Variants in DGKD observed in about 807,000 individuals in gnomAD.
The protein encoded by DGKD is DAG kinase delta.
A neutral mutation model predicts 154.4 loss-of-function variants in DGKD; 68 were observed. The observed-to-expected ratio is 0.44, with a 90% CI of 0.36 to 0.54. The LOEUF is 0.54. Among genes scored for constraint, DGKD ranks in the 20% least tolerant of loss-of-function variants. DGKD has a pLI of 0.00. For missense variants in DGKD, 1,343 were observed against 1,593.6 expected, an observed-to-expected ratio of 0.84 and a Z score of 2.68; for synonymous variants, 693 against 638.0, an observed-to-expected ratio of 1.09 and a Z score of -1.30.
Position 233,467,206 on chromosome 2 carries a change from ACCTG to A in DGKD, c.3424+7_3424+10del. 1 of 1,596,728 alleles carries A rather than the reference ACCTG, an allele frequency of 6.3e-7. No homozygotes were observed. The highest frequency in any genetic ancestry group is 8.6e-7 in the Non-Finnish European group (1 of 1,165,708). On this transcript the variant is annotated splice_donor_5th_base_variant and intron_variant, in intron 28 of 29. Coordinates refer to ENST00000264057, the MANE Select transcript of DGKD (RefSeq NM_152879.3). ...TCACAGTAGCCTGGGAGCCCCGGGT[ACCTG>A]CCTCTCTCCCGCGTGTGTTTCTGGC... is the stretch of plus-strand genomic sequence containing the variant.
At chr2:233,421,735 G>A (rs896368841) in intron 3 of DGKD, among the ~76,000 whole-genome samples, 6 of 152,114 alleles carry the variant, frequency 3.9e-5, no homozygotes, top group Admixed American at 1.3e-4. Flanking sequence ...CTGGTCTCCC[G>A]TTTTTCCATA....
At chr2:233,460,955 C>T (rs1456180221) in intron 24 of DGKD, among the ~76,000 whole-genome samples, 5 of 151,826 alleles carry the variant, frequency 3.3e-5, no homozygotes, top group Non-Finnish European at 2.9e-5. Context: ...CGCTGACAGC[C>T]GCCTTCACTT....
intron 1 of DGKD, among the ~76,000 whole-genome samples, chr2:233,369,847 C>T (rs1416686216): frequency 6.6e-6 from 1 of 152,198 alleles, no homozygotes; most frequent in Non-Finnish European, 1.5e-5. Flanking sequence ...CTGCTGCCCA[C>T]TCTGCTGGCT....
chr2:233,412,284 T>C (rs1360149396), intron 3 of DGKD, among the ~76,000 whole-genome samples: 2 of 152,244 alleles, frequency 1.3e-5, no homozygotes, highest in African/African-American at 4.8e-5. Context: ...ATTTAGGTGC[T>C]TTAAATTTAT....
At chr2:233,461,322 T>C (rs971830586) in intron 24 of DGKD, among the ~76,000 whole-genome samples, 2 of 152,308 alleles carry the variant, frequency 1.3e-5, no homozygotes, top group South Asian at 2.1e-4. Context: ...CACCCGTCGG[T>C]TTTGTGCCCG....
At chr2:233,417,797 G>A (rs1156626053) in intron 3 of DGKD, among the ~76,000 whole-genome samples, 4 of 152,170 alleles carry the variant, frequency 2.6e-5, no homozygotes, top group Non-Finnish European at 4.4e-5. Flanking sequence ...GGCCTGAAGA[G>A]GACATTTGGG....
intron 10 of DGKD, among the ~76,000 whole-genome samples, chr2:233,444,927 G>C (rs923941772): frequency 6.6e-5 from 10 of 151,998 alleles, no homozygotes; most frequent in Non-Finnish European, 1.2e-4. Flanking sequence ...AGGCTGGTGA[G>C]CTCTGGGCAG....
chr2:233,389,314 G>A (rs112520463), intron 2 of DGKD, among the ~76,000 whole-genome samples: 2,298 of 152,326 alleles, frequency 0.015, 56 homozygotes, highest in African/African-American at 0.052. Context: ...TGGAGGAGGA[G>A]CAGCCAGTGA....
At chr2:233,390,134 CTCTT>C (rs562006681) in intron 2 of DGKD, among the ~76,000 whole-genome samples, 127 of 152,314 alleles carry the variant, frequency 8.3e-4, no homozygotes, top group Middle Eastern at 3.4e-3. Context: ...TTGGTTCTCT[CTCTT>C]TCTTCCTTCA....
intron 14 of DGKD, among the ~76,000 whole-genome samples, chr2:233,448,897 T>C (rs1271376713): frequency 6.6e-6 from 1 of 152,214 alleles, no homozygotes; most frequent in Non-Finnish European, 1.5e-5. Context: ...ACAGCCAATT[T>C]CCCCAATTTC....
At position 233,438,391 on chromosome 2, in the gene DGKD, G is replaced by A. The variant is rs1329394606; in HGVS notation, c.1085+12G>A. ...GGCCCACACCTCGGGTAGGAAGCTT[G>A]TAAAATATATCTTTCTTGGAGTTTT... On this transcript the variant is annotated intron_variant, in intron 9 of 29. Transcript: ENST00000264057. This position sits in a 1 kb window ranked among gnomAD's most constrained non-coding sequence, Gnocchi z 4.1. 6.3e-6 allele frequency: 10 copies of A among 1,599,830 alleles called. 1 individual carries two copies. The highest frequency in any genetic ancestry group is 5.6e-5 in the South Asian group (5 of 89,438).
chr2:233,388,052 C>T lies in DGKD; in HGVS notation c.157-205C>T, dbSNP rs1703303091. ...CCCCACCCACACAGGCACACATTGC[C>T]CCTTAGAGGACAGGATTGGTGCAAC... On this transcript the variant is annotated intron_variant, in intron 1 of 29. Coordinates refer to ENST00000264057, the MANE Select transcript of DGKD (RefSeq NM_152879.3). 5 of 1,163,410 alleles carry T rather than the reference C, an allele frequency of 4.3e-6. No individual in the cohort carries two copies. In the African/African-American group the frequency reaches 4.7e-5, roughly 11 times the overall value. 72.1% of individuals were successfully genotyped at this position (1,163,410 alleles called of 1,614,324 possible). A position where few individuals can be genotyped will look rare whatever the true frequency, so the allele number is the denominator to read the frequency against.
chr2:233,441,330 C>T lies in DGKD; in HGVS notation c.1086-557C>T, dbSNP rs114765721. On this transcript the variant is annotated intron_variant, in intron 9 of 29. Transcript: ENST00000264057. The surrounding 1 kb of genome is among the most constrained non-coding windows in gnomAD (Gnocchi z 5.6). ...ATGTGCTGCAGTGGGGACACGCAGCCCGCAGCAGGTCAGGCAGCCTGGGGC... is the reference window on the plus strand; with the variant it reads ...ATGTGCTGCAGTGGGGACACGCAGCTCGCAGCAGGTCAGGCAGCCTGGGGC... Among the ~76,000 whole-genome samples, 632 of 152,274 alleles carry T rather than the reference C, an allele frequency of 4.2e-3. 5 individuals carry two copies. Among genetic ancestry groups the T allele is most frequent in the African/African-American group, 0.014 (594 of 41,554 alleles).
Position 233,459,716 on chromosome 2 carries a change from GT to G in DGKD, c.2695-37del. On this transcript the variant is annotated intron_variant, in intron 22 of 29. Coordinates refer to ENST00000264057, the MANE Select transcript of DGKD (RefSeq NM_152879.3). This position sits in a 1 kb window ranked among gnomAD's most constrained non-coding sequence, Gnocchi z 5.7. The stretch of plus-strand genomic sequence containing the variant: ...TGATAGCACTTTTAAACCCCTGGGG[GT>G]TTTGGCTCAGCATGAGTAATGGCTA... The G allele has an allele frequency of 6.2e-7, 1 of 1,603,424 alleles. No individual in the cohort carries two copies.
chr2:233,401,514 G>C (rs2061556852), intron 3 of DGKD, among the ~76,000 whole-genome samples: 1 of 152,128 alleles, frequency 6.6e-6, no homozygotes, highest in Non-Finnish European at 1.5e-5. Flanking sequence ...TACTCCCTGG[G>C]TCATGGCAAC....
Position 233,446,740 on chromosome 2 carries a change from C to T in DGKD, c.1363C>T (p.Leu455Phe). 6.2e-7 allele frequency: 1 copy of T among 1,614,184 alleles called. No homozygotes were observed. The highest frequency in any genetic ancestry group is 8.5e-7 in the Non-Finnish European group (1 of 1,180,044). Reference sequence around the variant, plus strand: ...GAGCGTCATGGCATACGAGGCCAAGCTCCCCCGGCAGGCCTCCTCCTCTAC... The same window carrying T: ...GAGCGTCATGGCATACGAGGCCAAGTTCCCCCGGCAGGCCTCCTCCTCTAC... ...RWSVMAYEAK[L>F]PRQASSSTVT... The change falls in exon 12 of 30, where the codon CTC becomes TTC. Residue 455 changes from leucine to phenylalanine, a missense_variant. By Grantham distance (22) the Leu-to-Phe change is conservative. This residue lies in a region of DGKD where 409 missense variants were observed against 446.0 expected (regional missense o/e 0.92). Transcript: ENST00000264057.
At chr2:233,422,024 C>T (rs1172520662) in intron 3 of DGKD, among the ~76,000 whole-genome samples, 2 of 152,176 alleles carry the variant, frequency 1.3e-5, no homozygotes, top group East Asian at 3.9e-4. Context: ...GAGGCAGTGG[C>T]AGAAGGACCT....
At chr2:233,383,238 G>A (rs994860671) in intron 1 of DGKD, among the ~76,000 whole-genome samples, 2 of 151,788 alleles carry the variant, frequency 1.3e-5, no homozygotes, top group Admixed American at 6.6e-5. Context: ...ACAGGGTTTC[G>A]CTGTGTTGCC....
At chr2:233,368,184 C>A (rs1407101296) in intron 1 of DGKD, among the ~76,000 whole-genome samples, 1 of 151,916 alleles carries the variant, frequency 6.6e-6, no homozygotes, top group Non-Finnish European at 1.5e-5. Flanking sequence ...TCATTTATTC[C>A]ACATTTATCT....
Sources: gnomAD v4.1 joint callset for allele counts (sites outside exome capture counted in the v4.1 genomes callset) on GRCh38, gnomAD v4.1.1 for gene constraint, gnomAD v4.1.1 regional missense constraint, Gnocchi (gnomAD v3.1) non-coding constraint, MANE v1.5 for transcripts, NCBI Gene and HGNC (gene_info 2026-07-23, HGNC 2026-07-21) for gene names.